Variants in TBC1D10A observed in about 807,000 individuals in gnomAD.
TBC1D10A encodes the protein TBC1 domain family member 10A, also known as EBP50-PDX interactor of 64 kDa.
In TBC1D10A, 24 loss-of-function variants were observed where a neutral mutation model predicts 52.9. The ratio of observed to expected loss-of-function variants is 0.45; its 90% CI spans 0.33 to 0.64. The LOEUF (loss-of-function observed/expected upper bound fraction) is 0.64. Among genes scored for constraint, TBC1D10A ranks in the 30% least tolerant of loss-of-function variants. The pLI, the probability that TBC1D10A is intolerant of heterozygous loss-of-function variation, is 0.02. For missense variants in TBC1D10A, 602 were observed against 687.9 expected (o/e 0.88, Z 1.40); for synonymous variants, 278 against 282.9 (o/e 0.98, Z 0.17).
At chr22:30,309,041 G>T (rs538554435) in intron 1 of TBC1D10A, among the ~76,000 whole-genome samples, 7 of 152,248 alleles carry the variant, frequency 4.6e-5, no homozygotes, top group Non-Finnish European at 1.0e-4. Flanking sequence ...GGGAAATCAG[G>T]CCCTTCTCCA....
intron 3 of TBC1D10A, 158 bp from the exon 4 acceptor site, chr22:30,296,001 G>T: frequency 1.5e-6 from 1 of 657,190 alleles, no homozygotes; most frequent in Non-Finnish European, 2.6e-6. Context: ...AGGAAGAGAA[G>T]CTCAGGTAAG....
intron 1 of TBC1D10A, among the ~76,000 whole-genome samples, chr22:30,313,060 G>A (rs1443683890): frequency 6.6e-6 from 1 of 152,164 alleles, no homozygotes; most frequent in Non-Finnish European, 1.5e-5. Context: ...ATTGACTTTT[G>A]AATTGGGGTT....
At chr22:30,294,520 A>G (rs1451525497) in intron 6 of TBC1D10A, among the ~76,000 whole-genome samples, 1 of 152,216 alleles carries the variant, frequency 6.6e-6, no homozygotes, top group Non-Finnish European at 1.5e-5. Context: ...GCCTAGGACA[A>G]GGCCAAGGCG....
intron 1 of TBC1D10A, among the ~76,000 whole-genome samples, chr22:30,310,553 G>A (rs1569162634): frequency 6.6e-6 from 1 of 152,144 alleles, no homozygotes; most frequent in Non-Finnish European, 1.5e-5. Flanking sequence ...TGAGCTTCCA[G>A]TTCCTCATCT....
At position 30,292,869 on chromosome 22, in the gene TBC1D10A, C is replaced by T. The variant is rs376438553; in HGVS notation, c.1051-18G>A. On this transcript the variant is annotated intron_variant, in intron 8 of 8. Coordinates refer to ENST00000215790, the MANE Select transcript of TBC1D10A (RefSeq NM_031937.3). ...TCCACCACCTGCAGGGGCAGTGACA[C>T]AGGCAAGTGGACACCAAGAAGAAGG... 14 of 1,609,738 alleles carry T rather than the reference C, an allele frequency of 8.7e-6. No homozygotes were observed. The highest frequency in any genetic ancestry group is 1.3e-5 in the African/African-American group (1 of 74,826).
chr22:30,292,946 C>A (rs1371669905), intron 8 of TBC1D10A, 95 bp from the exon 9 acceptor site: 47 of 1,374,250 alleles, frequency 3.4e-5, no homozygotes, highest in Non-Finnish European at 4.5e-5. Flanking sequence ...TCAGCATCCC[C>A]CAGCCTTGGC....
At chr22:30,299,619 C>T in intron 2 of TBC1D10A, 68 bp from the exon 3 acceptor site, 1 of 1,450,652 alleles carries the variant, frequency 6.9e-7, no homozygotes. Flanking sequence ...AGCCCCTCTG[C>T]CAATGCGTGG....
intron 1 of TBC1D10A, among the ~76,000 whole-genome samples, chr22:30,310,880 T>C (rs1272992766): frequency 6.6e-6 from 1 of 152,102 alleles, no homozygotes; most frequent in Non-Finnish European, 1.5e-5. Context: ...CCTTCCCTCT[T>C]CTTATCACCC....
intron 1 of TBC1D10A, among the ~76,000 whole-genome samples, chr22:30,318,119 G>C (rs780810184): frequency 2.6e-5 from 4 of 152,090 alleles, no homozygotes; most frequent in Admixed American, 6.5e-5. Context: ...AGTGCTGAGG[G>C]GTTTGCCTTC....
At chr22:30,315,425 T>TA (rs1401999456) in intron 1 of TBC1D10A, among the ~76,000 whole-genome samples, 1 of 152,168 alleles carries the variant, frequency 6.6e-6, no homozygotes, top group Non-Finnish European at 1.5e-5. Flanking sequence ...CACACCCAGC[T>TA]AATTTTTTTG....
chr22:30,294,933 G>T lies in TBC1D10A; in HGVS notation c.639+8C>A. On this transcript the variant is annotated splice_region_variant and intron_variant, in intron 5 of 8. Coordinates refer to ENST00000215790, the MANE Select transcript of TBC1D10A (RefSeq NM_031937.3). Reference sequence around the variant, plus strand: ...CCACCCCCCTGCCTGCCCGGGGCCTGGTGGTACCTCAGCAGGCATATGCAT... The same window carrying T: ...CCACCCCCCTGCCTGCCCGGGGCCTTGTGGTACCTCAGCAGGCATATGCAT... 1 of 1,614,018 alleles carries T rather than the reference G, an allele frequency of 6.2e-7. No homozygotes were observed. Among genetic ancestry groups the T allele is most frequent in the South Asian group, 1.1e-5 (1 of 91,092 alleles).
At chr22:30,317,787 G>C (rs963078480) in intron 1 of TBC1D10A, among the ~76,000 whole-genome samples, 2 of 152,164 alleles carry the variant, frequency 1.3e-5, no homozygotes, top group African/African-American at 4.8e-5. Flanking sequence ...TTTAGAGACA[G>C]GGTCTCACTA....
chr22:30,304,915 G>T (rs1043562582), intron 1 of TBC1D10A, among the ~76,000 whole-genome samples: 1 of 152,248 alleles, frequency 6.6e-6, no homozygotes, highest in African/African-American at 2.4e-5. Flanking sequence ...GAGGCTGAGT[G>T]AGTGTCTGCA....
rs544849223 is a variant in TBC1D10A, at chr22:30,307,195, A to G, written c.210-2565T>C. Among the ~76,000 whole-genome samples, 5 of 152,274 alleles carry G rather than the reference A, an allele frequency of 3.3e-5. No individual in the cohort carries two copies. The South Asian group carries it at 1.0e-3, about 32-fold the overall frequency. The stretch of plus-strand genomic sequence containing the variant: ...CCTGACAGTGGAGAGGGCAGGAACC[A>G]ATTGCTAGTGAGAGAGAAGCTGGCC... On this transcript the variant is annotated intron_variant, in intron 1 of 8. Transcript: ENST00000215790.
chr22:30,326,862 T>C lies in TBC1D10A; in HGVS notation c.20A>G (p.Glu7Gly). 3 of 1,501,222 alleles carry C rather than the reference T, an allele frequency of 2.0e-6. No individual in the cohort carries two copies. Among genetic ancestry groups the C allele is most frequent in the Non-Finnish European group, 2.6e-6 (3 of 1,133,474 alleles). 93.0% of individuals were successfully genotyped at this position (1,501,222 alleles called of 1,614,324 possible). A position where few individuals can be genotyped will look rare whatever the true frequency, so the allele number is the denominator to read the frequency against. The change falls in exon 1 of 9, where the codon GAG becomes GGG. Residue 7 changes from glutamate to glycine, a missense_variant. Transcript: ENST00000215790. Reference sequence around the variant, plus strand: ...GGCCGCGGGCGCGCGCGGCCCATTCTCTCCGTTGCTCTTCGCCATCCCAGC... The same window carrying C: ...GGCCGCGGGCGCGCGCGGCCCATTCCCTCCGTTGCTCTTCGCCATCCCAGC... MAKSNG[E>G]NGPRAPAAGE...
chr22:30,321,997 T>C (rs556927415), intron 1 of TBC1D10A, among the ~76,000 whole-genome samples: 10 of 150,542 alleles, frequency 6.6e-5, no homozygotes, highest in African/African-American at 2.2e-4. Context: ...TTTTTTTTTT[T>C]CTTTGAGACA....
chr22:30,310,095 G>A (rs1930394986), intron 1 of TBC1D10A, among the ~76,000 whole-genome samples: 1 of 152,240 alleles, frequency 6.6e-6, no homozygotes, highest in Admixed American at 6.5e-5. Context: ...GGGTGTAGGG[G>A]AGAATAAATA....
chr22:30,326,786 G>A lies in TBC1D10A; in HGVS notation c.96C>T (p.Ala32=). The change falls in exon 1 of 9, where the codon GCC becomes GCT. Residue 32 remains alanine (A), a synonymous_variant. Transcript: ENST00000215790. ...TRESLAQGPD[A]ATTDELSSLG... is the part of the protein sequence containing the mutation. ...GAGAGCTGAGTTCGTCGGTGGTTGC[G>A]GCGTCGGGGCCCTGGGCCAGGCTCT... The A allele has an allele frequency of 6.7e-7, 1 of 1,503,374 alleles. No homozygotes were observed. The highest frequency in any genetic ancestry group is 8.9e-7 in the Non-Finnish European group (1 of 1,125,044). The allele number at this position is 1,503,374 out of a possible 1,614,324, so 93.1% of individuals were successfully genotyped here. A position where few individuals can be genotyped will look rare whatever the true frequency, so the allele number is the denominator to read the frequency against.
intron 7 of TBC1D10A, 44 bp downstream of exon 7, chr22:30,293,877 G>A (rs1787847792): frequency 3.7e-6 from 6 of 1,603,350 alleles, no homozygotes; most frequent in Non-Finnish European, 4.3e-6. Flanking sequence ...CCCCACTGTG[G>A]GCTGCTGGGG....
Sources: gnomAD v4.1 joint callset for allele counts (sites outside exome capture counted in the v4.1 genomes callset) on GRCh38, gnomAD v4.1.1 for gene constraint, MANE v1.5 for transcripts, NCBI Gene and HGNC (gene_info 2026-07-23, HGNC 2026-07-21) for gene names.